Variants in ERCC4 observed in about 807,000 individuals in gnomAD.
ERCC4 encodes ERCC excision repair 4, endonuclease catalytic subunit.
Under a neutral mutation model 76.9 loss-of-function variants are expected in ERCC4, and 65 were observed. That is an observed-to-expected ratio of 0.84 (90% CI 0.69 to 1.04). The LOEUF (loss-of-function observed/expected upper bound fraction) is 1.04, where lower values mean the gene tolerates loss of function less well. Among genes scored for constraint, ERCC4 ranks in the 50% least tolerant of loss-of-function variants. The pLI is 0.00. For synonymous variants in ERCC4, 463 were observed against 410.1 expected (o/e 1.13, Z -1.56); for missense variants, 1,214 against 1,128.2 (o/e 1.08, Z -1.09).
At chr16:13,928,950 AT>A (rs2141946928) in intron 4 of ERCC4, among the ~76,000 whole-genome samples, 1 of 152,306 alleles carries the variant, frequency 6.6e-6, no homozygotes, top group East Asian at 1.9e-4. Flanking sequence ...ATGCGTGGCG[AT>A]TATAAAAAAG....
In ERCC4 at chr16:13,948,260, G is replaced by A. The variant is rs998697446; in HGVS notation, c.2664G>A (p.Leu888=). Residue 888 remains leucine (L), a synonymous_variant, in exon 11 of 11, where the codon CTG becomes CTA. Coordinates refer to ENST00000311895, the MANE Select transcript of ERCC4 (RefSeq NM_005236.3). ...CACAAGACGAGCTCACGAGTATTCTGGGGAATGCTGCAAATGCCAAACAGC... is the reference window on the plus strand; with the variant it reads ...CACAAGACGAGCTCACGAGTATTCTAGGGAATGCTGCAAATGCCAAACAGC... ...ALSQDELTSI[L]GNAANAKQLY... 1.2e-6 allele frequency: 2 copies of A among 1,614,076 alleles called. No individual in the cohort carries two copies.
chr16:13,946,021 C>T (rs1024263533), intron 10 of ERCC4, among the ~76,000 whole-genome samples: 7 of 152,198 alleles, frequency 4.6e-5, no homozygotes, highest in African/African-American at 1.7e-4. Flanking sequence ...GGCTGCATTC[C>T]TCCTGGAGGC....
chr16:13,936,480 A>G (rs2032296005), intron 8 of ERCC4, among the ~76,000 whole-genome samples: 1 of 152,246 alleles, frequency 6.6e-6, no homozygotes, highest in Non-Finnish European at 1.5e-5. Context: ...TAAAATAATT[A>G]TAGGCTGGTA....
chr16:13,936,767 C>T (rs1048464040), intron 8 of ERCC4, among the ~76,000 whole-genome samples: 2 of 152,140 alleles, frequency 1.3e-5, no homozygotes, highest in Non-Finnish European at 2.9e-5. Flanking sequence ...GAATTATCAT[C>T]TAGGAAGATA....
At chr16:13,922,416 A>G (rs956117886) in intron 2 of ERCC4, 82 of 760,904 alleles carry the variant, frequency 1.1e-4, no homozygotes, top group Non-Finnish European at 2.4e-5. Context: ...AGGCTTCACA[A>G]GATCGATTCC....
rs1004782571 is a variant in ERCC4 at position 13,949,072 on chromosome 16, A to C, written c.*725A>C. The C allele has an allele frequency of 8.6e-6, 2 of 232,974 alleles. No individual in the cohort carries two copies. The highest frequency in any genetic ancestry group is 4.4e-5 in the African/African-American group (2 of 45,348). The allele number at this position is 232,974 out of a possible 1,614,324, so 14.4% of individuals were successfully genotyped here. On this transcript the variant is annotated 3_prime_UTR_variant, in exon 11 of 11. Transcript: ENST00000311895. ...CAGTCTCCTCAAAAACTGGTTGACT[A>C]GTCTTCTAATGACCCTAACATATGT...
rs1012465602 is a variant in ERCC4, at chr16:13,932,537, T to C, written c.1102+252T>C. On this transcript the variant is annotated intron_variant, in intron 6 of 10. Coordinates refer to ENST00000311895, the MANE Select transcript of ERCC4 (RefSeq NM_005236.3). The stretch of plus-strand genomic sequence containing the variant: ...TTGCCCAGGGCTTCCAAATAACAGA[T>C]GTCAAATATTGATCAAAAGTATGCT... The C allele has an allele frequency of 1.1e-5, 6 of 565,704 alleles. No homozygotes were observed. In the African/African-American group the frequency reaches 1.1e-4, roughly 11 times the overall value. The allele number at this position is 565,704 out of a possible 1,614,324, so 35.0% of individuals were successfully genotyped here. A position where few individuals can be genotyped will look rare whatever the true frequency, so the allele number is the denominator to read the frequency against.
At chr16:13,930,941 G>C in intron 5 of ERCC4, 51 bp downstream of exon 5, 1 of 1,332,554 alleles carries the variant, frequency 7.5e-7, no homozygotes, top group African/African-American at 1.4e-5. Context: ...TGAATAAAGT[G>C]TTAGGTTTTA....
intron 9 of ERCC4, among the ~76,000 whole-genome samples, chr16:13,939,825 G>A (rs1352002717): frequency 1.3e-5 from 2 of 152,156 alleles, no homozygotes; most frequent in African/African-American, 4.8e-5. Flanking sequence ...TTGGGAGATA[G>A]AATCAAAGAA....
intron 4 of ERCC4, among the ~76,000 whole-genome samples, chr16:13,929,693 C>T (rs747657881): frequency 7.7e-4 from 117 of 152,172 alleles, no homozygotes; most frequent in African/African-American, 2.7e-3. Context: ...TGGCCGGGTG[C>T]GGTGGCTCAC....
chr16:13,935,065 C>T lies in ERCC4; in HGVS notation c.1214-81C>T, dbSNP rs898242751. The stretch of plus-strand genomic sequence containing the variant: ...ACCAAAGGGTAAGATGTCTTCCCTT[C>T]GGGTGAAGGAATAAGGGGGCACAGG... On this transcript the variant is annotated intron_variant, in intron 7 of 10. Transcript: ENST00000311895. 6 of 1,042,100 alleles carry T rather than the reference C, an allele frequency of 5.8e-6. No homozygotes were observed. The African/African-American group carries it at 6.2e-5, about 11-fold the overall frequency. 64.6% of individuals were successfully genotyped at this position (1,042,100 alleles called of 1,614,324 possible). A position where few individuals can be genotyped will look rare whatever the true frequency, so the allele number is the denominator to read the frequency against.
chr16:13,921,188 G>T (rs2031968556), intron 1 of ERCC4, among the ~76,000 whole-genome samples: 1 of 152,182 alleles, frequency 6.6e-6, no homozygotes, highest in African/African-American at 2.4e-5. Context: ...ATAGGGAAAA[G>T]GAGGGACCAG....
At chr16:13,922,297 A>T in intron 2 of ERCC4, 86 bp downstream of exon 2, 1 of 977,742 alleles carries the variant, frequency 1.0e-6, no homozygotes. Context: ...TTCTCCAGAG[A>T]ATAGTCTGTC....
chr16:13,922,740 C>T (rs1596618564), intron 2 of ERCC4: 6 of 337,838 alleles, frequency 1.8e-5, no homozygotes, highest in Non-Finnish European at 2.8e-5. Context: ...GTCTCCTCTG[C>T]TGAACGCTCT....
chr16:13,939,702 A>G (rs2032376703), intron 9 of ERCC4, among the ~76,000 whole-genome samples: 1 of 152,186 alleles, frequency 6.6e-6, no homozygotes, highest in Non-Finnish European at 1.5e-5. Context: ...TCTGGCATCA[A>G]GCTGAGGAGT....
chr16:13,922,576 G>A, intron 2 of ERCC4: 1 of 688,540 alleles, frequency 1.5e-6, no homozygotes, highest in Non-Finnish European at 2.7e-6. Flanking sequence ...TTTCTTAATG[G>A]CTTTATCCTT....
chr16:13,931,257 C>T (rs751752757), intron 5 of ERCC4: 6 of 243,550 alleles, frequency 2.5e-5, no homozygotes, highest in Non-Finnish European at 4.8e-5. Context: ...GGGCTTCCAT[C>T]AGCTAGAGTG....
At chr16:13,920,706 G>A (rs894358377) in intron 1 of ERCC4, among the ~76,000 whole-genome samples, 5 of 152,176 alleles carry the variant, frequency 3.3e-5, no homozygotes, top group East Asian at 3.9e-4. Flanking sequence ...CTGACACTGT[G>A]CGGGGACTCT....
chr16:13,947,542 G>T, intron 10 of ERCC4, 72 bp from the exon 11 acceptor site: 1 of 1,486,808 alleles, frequency 6.7e-7, no homozygotes, highest in South Asian at 1.1e-5. Context: ...CAGAAACATC[G>T]ATTTTTAGAT....
Sources: gnomAD v4.1 joint callset for allele counts (sites outside exome capture counted in the v4.1 genomes callset) on GRCh38, gnomAD v4.1.1 for gene constraint, MANE v1.5 for transcripts, NCBI Gene and HGNC (gene_info 2026-07-23, HGNC 2026-07-21) for gene names.